The following RSRC1 variants were observed in gnomAD, a reference collection of about 807,000 sequenced individuals.
RSRC1 encodes arginine and serine rich coiled-coil 1.
RSRC1 carries 39 observed loss-of-function variants against 49.1 expected under a neutral mutation model. The ratio of observed to expected loss-of-function variants is 0.79; its 90% CI spans 0.61 to 1.04. RSRC1 has a LOEUF of 1.04. Among genes scored for constraint, RSRC1 ranks in the 50% least tolerant of loss-of-function variants. The pLI is 0.00. For synonymous variants in RSRC1, 143 were observed against 130.8 expected (o/e 1.09, Z -0.63); for missense variants, 388 against 402.4 (o/e 0.96, Z 0.31).
intron 5 of RSRC1, among the ~76,000 whole-genome samples, chr3:158,325,789 G>A (rs1464149482): frequency 2.0e-5 from 3 of 152,104 alleles, no homozygotes; most frequent in African/African-American, 4.8e-5. Context: ...GCTTGATGGG[G>A]ATAGCACTGA....
intron 3 of RSRC1, among the ~76,000 whole-genome samples, chr3:158,166,013 G>T (rs1364869338): frequency 5.3e-5 from 8 of 152,160 alleles, no homozygotes; most frequent in Admixed American, 5.2e-4. Context: ...GTAAGAAGTA[G>T]TCAAATCCAA....
intron 3 of RSRC1, among the ~76,000 whole-genome samples, chr3:158,184,864 T>C (rs939563876): frequency 6.6e-6 from 1 of 152,214 alleles, no homozygotes; most frequent in East Asian, 1.9e-4. Context: ...CTATTTCATA[T>C]GAATAAACTG....
At chr3:158,538,004 T>C (rs1286081037) in intron 8 of RSRC1, among the ~76,000 whole-genome samples, 2 of 151,882 alleles carry the variant, frequency 1.3e-5, no homozygotes, top group Non-Finnish European at 3.0e-5. Context: ...GCTAACATTG[T>C]TTTAATACAT....
intron 6 of RSRC1, among the ~76,000 whole-genome samples, chr3:158,417,131 A>G (rs11717725): frequency 6.6e-6 from 1 of 151,938 alleles, no homozygotes; most frequent in African/African-American, 2.4e-5. Context: ...ACATATCACT[A>G]GTTGAACAGT....
intron 3 of RSRC1, among the ~76,000 whole-genome samples, chr3:158,149,954 A>T (rs1244122066): frequency 6.6e-6 from 1 of 152,200 alleles, no homozygotes; most frequent in Non-Finnish European, 1.5e-5. Flanking sequence ...ATTAAAATGC[A>T]CTGAAGATAA....
intron 4 of RSRC1, among the ~76,000 whole-genome samples, chr3:158,280,244 C>G (rs561579403): frequency 1.3e-5 from 2 of 152,038 alleles, no homozygotes; most frequent in East Asian, 3.9e-4. Flanking sequence ...CTGTAGCGAG[C>G]GAGCATGACA....
At chr3:158,165,482 A>C (rs1718480955) in intron 3 of RSRC1, among the ~76,000 whole-genome samples, 1 of 152,224 alleles carries the variant, frequency 6.6e-6, no homozygotes, top group Non-Finnish European at 1.5e-5. Context: ...AGCCATTTTA[A>C]GGTTCATTTA....
chr3:158,462,648 ACTC>A (rs1737676473), intron 7 of RSRC1, among the ~76,000 whole-genome samples: 1 of 151,808 alleles, frequency 6.6e-6, no homozygotes, highest in Admixed American at 6.6e-5. Flanking sequence ...ATACTTCAGA[ACTC>A]CTCATTTACA....
chr3:158,269,885 GAAC>G (rs1277793134), intron 4 of RSRC1, among the ~76,000 whole-genome samples: 2 of 152,060 alleles, frequency 1.3e-5, no homozygotes, highest in Non-Finnish European at 2.9e-5. Context: ...ATCAGAACAA[GAAC>G]AACAAGAAAA....
chr3:158,164,969 C>G (rs945684409), intron 3 of RSRC1, among the ~76,000 whole-genome samples: 1 of 152,044 alleles, frequency 6.6e-6, no homozygotes, highest in African/African-American at 2.4e-5. Context: ...CCCTGTTTCT[C>G]CCTATATAGC....
chr3:158,380,052 A>G (rs1732619285), intron 6 of RSRC1, among the ~76,000 whole-genome samples: 2 of 152,138 alleles, frequency 1.3e-5, no homozygotes, highest in Non-Finnish European at 2.9e-5. Flanking sequence ...GGTCAGATAT[A>G]TGAAGGAATA....
chr3:158,207,134 TAAC>T (rs1027171603), intron 4 of RSRC1, among the ~76,000 whole-genome samples: 8 of 152,140 alleles, frequency 5.3e-5, no homozygotes, highest in African/African-American at 1.9e-4. Context: ...ACCTGCCTCT[TAAC>T]GACACACTAT....
chr3:158,206,805 T>C (rs9851634), intron 4 of RSRC1, among the ~76,000 whole-genome samples: 2,563 of 152,174 alleles, frequency 0.017, 63 homozygotes, highest in African/African-American at 0.059. Context: ...TCCCAGCTAC[T>C]TGGGAGGCTG....
At chr3:158,470,732 T>A (rs969715411) in intron 7 of RSRC1, among the ~76,000 whole-genome samples, 1 of 152,162 alleles carries the variant, frequency 6.6e-6, no homozygotes, top group Non-Finnish European at 1.5e-5. Context: ...AACCATAATC[T>A]AATCAATTCT....
rs151317045 is a variant in RSRC1, at chr3:158,374,623, A to G, written c.583+19715A>G. Among the ~76,000 whole-genome samples the G allele has an allele frequency of 1.6e-3, 246 of 152,304 alleles. 1 individual carries two copies. The highest frequency in any genetic ancestry group is 5.8e-3 in the African/African-American group (240 of 41,580). ...CCAATATCTGTACAGTACATTTAAT[A>G]TATTCAATTCATCTAAATGACCTGT... On this transcript the variant is annotated intron_variant, in intron 6 of 9. Transcript: ENST00000611884.
Position 158,451,170 on chromosome 3 carries a change from C to T in RSRC1, c.584-9765C>T, listed in dbSNP as rs370815369. On this transcript the variant is annotated intron_variant, in intron 6 of 9. Transcript: ENST00000611884. ...TTTCTTCTTATATAACTAAGTTCAT[C>T]TCCTTTTTCCTTTTAGTTGCTGATA... is the stretch of plus-strand genomic sequence containing the variant. Among the ~76,000 whole-genome samples the T allele has an allele frequency of 7.9e-5, 12 of 151,922 alleles. No homozygotes were observed. In the East Asian group the frequency reaches 2.3e-3, roughly 29 times the overall value.
intron 6 of RSRC1, among the ~76,000 whole-genome samples, chr3:158,442,695 G>A (rs1736449729): frequency 6.6e-6 from 1 of 151,990 alleles, no homozygotes; most frequent in Non-Finnish European, 1.5e-5. Flanking sequence ...ATTTAGAATG[G>A]CAAAATCCTT....
chr3:158,149,519 C>G (rs752653058), intron 3 of RSRC1, among the ~76,000 whole-genome samples: 24 of 152,086 alleles, frequency 1.6e-4, no homozygotes, highest in Non-Finnish European at 2.4e-4. Flanking sequence ...TCTAAGTGAA[C>G]AGACTATAAA....
chr3:158,206,077 G>A (rs908833477), intron 4 of RSRC1, among the ~76,000 whole-genome samples: 10 of 152,204 alleles, frequency 6.6e-5, no homozygotes, highest in Non-Finnish European at 1.2e-4. Context: ...TGGGTGTCTG[G>A]CTGGATTTGG....
Sources: gnomAD v4.1 joint callset for allele counts (sites outside exome capture counted in the v4.1 genomes callset) on GRCh38, gnomAD v4.1.1 for gene constraint, MANE v1.5 for transcripts, NCBI Gene and HGNC (gene_info 2026-07-23, HGNC 2026-07-21) for gene names.